The following IQCM variants were observed in gnomAD, a reference collection of about 807,000 sequenced individuals.
The protein encoded by IQCM is IQ domain-containing protein M.
IQCM carries 45 observed loss-of-function variants against 57.6 expected under a neutral mutation model. The ratio of observed to expected loss-of-function variants is 0.78; its 90% CI spans 0.62 to 1.00. IQCM has a LOEUF of 1.00. Among genes scored for constraint, IQCM ranks in the 50% least tolerant of loss-of-function variants. The probability of loss-of-function intolerance (pLI) is 0.00; values close to 1 mark genes in which losing one functional copy is unlikely to be tolerated. For missense variants in IQCM, 468 were observed against 511.6 expected (o/e 0.91, Z 0.82); for synonymous variants, 148 against 158.9 (o/e 0.93, Z 0.51).
chr4:149,589,513 C>A (rs1752932902), intron 8 of IQCM, among the ~76,000 whole-genome samples: 1 of 152,104 alleles, frequency 6.6e-6, no homozygotes, highest in Non-Finnish European at 1.5e-5. Context: ...ATTTCTAAAA[C>A]ATTTTAAACA....
At chr4:149,682,542 C>T (rs1762255318) in intron 6 of IQCM, among the ~76,000 whole-genome samples, 1 of 150,882 alleles carries the variant, frequency 6.6e-6, no homozygotes, top group Non-Finnish European at 1.5e-5. Context: ...GCATGTTTTC[C>T]TAACATGATT....
chr4:149,652,011 T>C (rs1200254170), intron 7 of IQCM, among the ~76,000 whole-genome samples: 4 of 152,288 alleles, frequency 2.6e-5, no homozygotes, highest in East Asian at 1.9e-4. Context: ...CATATGTTTA[T>C]TGCAGCACTA....
intron 12 of IQCM, among the ~76,000 whole-genome samples, chr4:149,544,129 T>G (rs1427009765): frequency 6.6e-6 from 1 of 152,146 alleles, no homozygotes; most frequent in Non-Finnish European, 1.5e-5. Flanking sequence ...CCTGAAATGT[T>G]TGTTTCACTT....
At chr4:149,418,832 A>T (rs1733931653) in intron 13 of IQCM, among the ~76,000 whole-genome samples, 2 of 152,180 alleles carry the variant, frequency 1.3e-5, no homozygotes, top group African/African-American at 4.8e-5. Flanking sequence ...AGTCACAAGC[A>T]TTCTTGTACA....
intron 12 of IQCM, among the ~76,000 whole-genome samples, chr4:149,509,224 A>G (rs1744151110): frequency 6.6e-6 from 1 of 152,122 alleles, no homozygotes; most frequent in Non-Finnish European, 1.5e-5. Flanking sequence ...GGCAATTTGA[A>G]CTGTTTGGGA....
chr4:149,722,588 A>T (rs920914107), intron 5 of IQCM, among the ~76,000 whole-genome samples: 3 of 151,944 alleles, frequency 2.0e-5, no homozygotes, highest in Admixed American at 2.0e-4. Context: ...GTCAAAGATC[A>T]GTTGGTTATA....
rs1766843154 is a variant in IQCM, at chr4:149,735,414, T to C, written c.82A>G (p.Lys28Glu). The part of the protein sequence containing the change: ...ITKQDFFQEA[K>E]TLIAQHYEKI... ...TCATAATGTTGGGCAATGAGAGTTTTTGCTTCTTGAAAAAAGTCTTGCTTG... is the reference window on the plus strand; with the variant it reads ...TCATAATGTTGGGCAATGAGAGTTTCTGCTTCTTGAAAAAAGTCTTGCTTG... The change falls in exon 4 of 14, where the codon AAA becomes GAA. Residue 28 changes from lysine (K) to glutamate (E), a missense_variant. Coordinates refer to ENST00000636793, the MANE Select transcript of IQCM (RefSeq NM_001363507.2). 6.5e-6 allele frequency: 8 copies of C among 1,228,288 alleles called. No homozygotes were observed. The highest frequency in any genetic ancestry group is 3.2e-5 in the East Asian group (1 of 31,512). The allele number at this position is 1,228,288 out of a possible 1,614,324, so 76.1% of individuals were successfully genotyped here. A position where few individuals can be genotyped will look rare whatever the true frequency, so the allele number is the denominator to read the frequency against.
At chr4:149,736,620 T>G (rs971626688) in intron 3 of IQCM, among the ~76,000 whole-genome samples, 1 of 152,146 alleles carries the variant, frequency 6.6e-6, no homozygotes, top group African/African-American at 2.4e-5. Context: ...AATCTTCATG[T>G]GAATCAAAAC....
intron 2 of IQCM, among the ~76,000 whole-genome samples, chr4:149,787,585 G>T (rs1772188993): frequency 6.6e-6 from 1 of 151,942 alleles, no homozygotes; most frequent in Non-Finnish European, 1.5e-5. Context: ...ACATCCATTG[G>T]GGAAAGAACA....
intron 5 of IQCM, among the ~76,000 whole-genome samples, chr4:149,700,779 T>C (rs753794792): frequency 3.3e-5 from 5 of 152,062 alleles, no homozygotes; most frequent in Non-Finnish European, 5.9e-5. Context: ...CTGACCATTA[T>C]AAATTAGATT....
chr4:149,784,678 T>C (rs371001016), intron 2 of IQCM, among the ~76,000 whole-genome samples: 2 of 152,158 alleles, frequency 1.3e-5, no homozygotes, highest in African/African-American at 2.4e-5. Flanking sequence ...CCTCCCAAAA[T>C]GCTGGGATTA....
intron 12 of IQCM, among the ~76,000 whole-genome samples, chr4:149,507,543 CT>C (rs1269850346): frequency 1.3e-5 from 2 of 152,152 alleles, no homozygotes; most frequent in Non-Finnish European, 2.9e-5. Context: ...CATTTTGCCC[CT>C]GCCCTAGAGA....
chr4:149,489,595 T>C (rs1407943995), intron 12 of IQCM, among the ~76,000 whole-genome samples: 1 of 151,998 alleles, frequency 6.6e-6, no homozygotes, highest in Non-Finnish European at 1.5e-5. Flanking sequence ...CACATACTAC[T>C]GAATAACACC....
intron 5 of IQCM, among the ~76,000 whole-genome samples, chr4:149,723,735 A>G (rs1765648269): frequency 6.6e-6 from 1 of 151,836 alleles, no homozygotes; most frequent in South Asian, 2.1e-4. Context: ...CAGACATATC[A>G]GTCTGTAGTT....
chr4:149,514,040 A>G (rs1331064444), intron 12 of IQCM, among the ~76,000 whole-genome samples: 1 of 152,132 alleles, frequency 6.6e-6, no homozygotes, highest in African/African-American at 2.4e-5. Flanking sequence ...ACTCAAATAT[A>G]TCTTATACTT....
chr4:149,652,438 T>C (rs1046404704), intron 7 of IQCM, among the ~76,000 whole-genome samples: 4 of 151,962 alleles, frequency 2.6e-5, no homozygotes. Context: ...ATTCAGCACA[T>C]GTATCCCAGA....
At chr4:149,464,719 G>A (rs1184531491) in intron 12 of IQCM, among the ~76,000 whole-genome samples, 1 of 152,118 alleles carries the variant, frequency 6.6e-6, no homozygotes, top group Admixed American at 6.6e-5. Flanking sequence ...CTACTCAACA[G>A]AACTTTGTGG....
chr4:149,517,246 G>T (rs1745075545), intron 12 of IQCM, among the ~76,000 whole-genome samples: 1 of 152,056 alleles, frequency 6.6e-6, no homozygotes. Context: ...CAGAAACGAG[G>T]ACTTAATTGG....
chr4:149,640,438 T>C (rs1392598545), intron 7 of IQCM, among the ~76,000 whole-genome samples: 1 of 152,228 alleles, frequency 6.6e-6, no homozygotes, highest in African/African-American at 2.4e-5. Context: ...CCTCTACATA[T>C]ACAATCTCAC....
Sources: gnomAD v4.1 joint callset for allele counts (sites outside exome capture counted in the v4.1 genomes callset) on GRCh38, gnomAD v4.1.1 for gene constraint, MANE v1.5 for transcripts, NCBI Gene and HGNC (gene_info 2026-07-23, HGNC 2026-07-21) for gene names.